ADAMTS2: variants seen among roughly 807,000 people sequenced by gnomAD.
The protein encoded by ADAMTS2 is A disintegrin and metalloproteinase with thrombospondin motifs 2.
A neutral mutation model predicts 123.0 loss-of-function variants in ADAMTS2; 50 were observed. The ratio of observed to expected loss-of-function variants is 0.41; its 90% CI spans 0.32 to 0.51. The LOEUF (loss-of-function observed/expected upper bound fraction) is 0.51, where lower values mean the gene tolerates loss of function less well. ADAMTS2 is among the 20% of genes least tolerant of loss of function. The pLI is 0.35. For synonymous variants in ADAMTS2, 678 were observed against 695.4 expected, an observed-to-expected ratio of 0.98 and a Z score of 0.39; for missense variants, 1,494 against 1,705.2, an observed-to-expected ratio of 0.88 and a Z score of 2.18.
intron 2 of ADAMTS2, among the ~76,000 whole-genome samples, chr5:179,306,463 C>T (rs551490181): frequency 1.3e-5 from 2 of 152,304 alleles, no homozygotes; most frequent in East Asian, 3.9e-4. Context: ...ACGTGCTCAA[C>T]CTGGTAAGAA....
intron 3 of ADAMTS2, among the ~76,000 whole-genome samples, chr5:179,263,551 C>A (rs1356114991): frequency 6.6e-6 from 1 of 152,250 alleles, no homozygotes; most frequent in Non-Finnish European, 1.5e-5. Context: ...GGTGTGCCGA[C>A]AGTTTGGGAT....
intron 3 of ADAMTS2, among the ~76,000 whole-genome samples, chr5:179,257,124 G>T (rs1015967830): frequency 9.2e-5 from 14 of 152,194 alleles, no homozygotes; most frequent in Non-Finnish European, 1.6e-4. Flanking sequence ...GAGTTTCAAA[G>T]GTGGCCGAGG....
At chr5:179,297,051 C>T (rs1036989930) in intron 2 of ADAMTS2, among the ~76,000 whole-genome samples, 7 of 152,156 alleles carry the variant, frequency 4.6e-5, no homozygotes, top group Non-Finnish European at 1.0e-4. Flanking sequence ...ATTGACAAGG[C>T]TTGGTGAAAG....
chr5:179,291,191 G>A (rs945554003), intron 2 of ADAMTS2, among the ~76,000 whole-genome samples: 7 of 152,154 alleles, frequency 4.6e-5, no homozygotes, highest in South Asian at 4.1e-4. Flanking sequence ...GAATGAGTGC[G>A]GGGCTCTGGG....
intron 2 of ADAMTS2, among the ~76,000 whole-genome samples, chr5:179,331,871 C>T (rs530278605): frequency 1.5e-4 from 23 of 152,304 alleles, no homozygotes; most frequent in Non-Finnish European, 2.5e-4. Context: ...AACCTCCAGA[C>T]GCTAGCTGGG....
chr5:179,336,809 C>A (rs958780230), intron 2 of ADAMTS2, among the ~76,000 whole-genome samples: 1 of 152,192 alleles, frequency 6.6e-6, no homozygotes, highest in Admixed American at 6.5e-5. Flanking sequence ...AGGAGCACAG[C>A]GGACCATGTG....
intron 2 of ADAMTS2, among the ~76,000 whole-genome samples, chr5:179,334,611 C>T (rs912530587): frequency 2.0e-5 from 3 of 152,198 alleles, no homozygotes; most frequent in African/African-American, 4.8e-5. Context: ...GACTTAACAT[C>T]GCTCTGAAGG....
rs574000960 is a variant in ADAMTS2, at chr5:179,113,189, T to C, written c.*678A>G. 1 of 153,286 alleles carries C rather than the reference T, an allele frequency of 6.5e-6. No individual in the cohort carries two copies. Among genetic ancestry groups the C allele is most frequent in the Non-Finnish European group, 1.5e-5 (1 of 68,826 alleles). 9.5% of individuals were successfully genotyped at this position (153,286 alleles called of 1,614,324 possible). ...GTTTTTTTCATGCAAAAATCTAGAC[T>C]TCTTCCGAAAAAGAACACTGTCTGG... On this transcript the variant is annotated 3_prime_UTR_variant, in exon 22 of 22. Coordinates refer to ENST00000251582, the MANE Select transcript of ADAMTS2 (RefSeq NM_014244.5).
intron 3 of ADAMTS2, among the ~76,000 whole-genome samples, chr5:179,217,528 A>G: frequency 6.6e-6 from 1 of 152,218 alleles, no homozygotes; most frequent in Admixed American, 6.5e-5. Context: ...TTAAGCAAAA[A>G]CAGATTCCAA....
At chr5:179,324,924 AG>A (rs1277187228) in intron 2 of ADAMTS2, among the ~76,000 whole-genome samples, 2 of 41,312 alleles carry the variant, frequency 4.8e-5, no homozygotes, top group Non-Finnish European at 1.1e-4. Context: ...AGAGGTCCTC[AG>A]GGACCCCCCC....
At chr5:179,190,106 T>C (rs1349348444) in intron 4 of ADAMTS2, among the ~76,000 whole-genome samples, 1 of 152,184 alleles carries the variant, frequency 6.6e-6, no homozygotes, top group African/African-American at 2.4e-5. Flanking sequence ...TATGTGCAGG[T>C]CACAGGGGAT....
chr5:179,215,626 C>G (rs467333), intron 3 of ADAMTS2, among the ~76,000 whole-genome samples: 37,147 of 151,912 alleles, frequency 0.24, 4,578 homozygotes, highest in Admixed American at 0.27. Context: ...CAAGGATAGG[C>G]AGAGCAGGAG....
At chr5:179,319,897 G>C (rs755260674) in intron 2 of ADAMTS2, among the ~76,000 whole-genome samples, 1 of 152,118 alleles carries the variant, frequency 6.6e-6, no homozygotes, top group African/African-American at 2.4e-5. Flanking sequence ...CCACATCTCC[G>C]GCCTGGCCCA....
rs748601622 is a variant in ADAMTS2, at chr5:179,180,295, G to A, written c.975+777C>T. On this transcript the variant is annotated intron_variant, in intron 5 of 21. Transcript: ENST00000251582. The surrounding 1 kb of genome is among the most constrained non-coding windows in gnomAD (Gnocchi z 4.6). ...CCCATGCACACCGCCAGGAAAGGAC[G>A]TCCCAGGTTTGGCTGCAAGAGGAAG... Among the ~76,000 whole-genome samples the A allele has an allele frequency of 1.3e-5, 2 of 152,216 alleles. No homozygotes were observed. The highest frequency in any genetic ancestry group is 2.9e-5 in the Non-Finnish European group (2 of 68,046).
At chr5:179,223,163 G>T (rs1434170485) in intron 3 of ADAMTS2, among the ~76,000 whole-genome samples, 1 of 152,244 alleles carries the variant, frequency 6.6e-6, no homozygotes, top group Non-Finnish European at 1.5e-5. Flanking sequence ...ACCTCTAGGA[G>T]AGCGCTCTGG....
rs1449752782 is a variant in ADAMTS2 at position 179,312,607 on chromosome 5, T to G, written c.534+31160A>C. On this transcript the variant is annotated intron_variant, in intron 2 of 21. Transcript: ENST00000251582. This position sits in a 1 kb window ranked among gnomAD's most constrained non-coding sequence, Gnocchi z 4.2. ...AGACAGGCCCTAAATGCAATCACAC[T>G]TCTCTTTATCAGAGGAAGGCAGAGC... Among the ~76,000 whole-genome samples, 1 of 152,204 alleles carries G rather than the reference T, an allele frequency of 6.6e-6. No individual in the cohort carries two copies.
In ADAMTS2 at chr5:179,256,121, G is replaced by A. The variant is rs984291544; in HGVS notation, c.688+16790C>T. Among the ~76,000 whole-genome samples, 2 of 152,208 alleles carry A rather than the reference G, an allele frequency of 1.3e-5. No homozygotes were observed. The highest frequency in any genetic ancestry group is 4.8e-5 in the African/African-American group (2 of 41,450). ...CCTTCTTCCCACAGGGAGACCGGGAGGGTCTTGTTCTGCCCTCAGAGCAGA... is the reference window on the plus strand; with the variant it reads ...CCTTCTTCCCACAGGGAGACCGGGAAGGTCTTGTTCTGCCCTCAGAGCAGA... On this transcript the variant is annotated intron_variant, in intron 3 of 21. Coordinates refer to ENST00000251582, the MANE Select transcript of ADAMTS2 (RefSeq NM_014244.5). This position sits in a 1 kb window ranked among gnomAD's most constrained non-coding sequence, Gnocchi z 4.1.
rs373020640 is a variant in ADAMTS2 at position 179,137,942 on chromosome 5, G to T, written c.1778C>A (p.Pro593Gln). 13 of 1,545,366 alleles carry T rather than the reference G, an allele frequency of 8.4e-6. No homozygotes were observed. Among genetic ancestry groups the T allele is most frequent in the Non-Finnish European group, 1.0e-5 (12 of 1,147,350 alleles). The change falls in exon 12 of 22, where the codon CCG becomes CAG. Residue 593 changes from proline (P) to glutamine (Q), a missense_variant and splice_region_variant. Physicochemically the swap from Pro to Gln is moderately conservative, Grantham distance 76. Coordinates refer to ENST00000251582, the MANE Select transcript of ADAMTS2 (RefSeq NM_014244.5). ...FRTRQCDNPHPANGGRTCSGL... is the reference protein window; with the variant it reads ...FRTRQCDNPHQANGGRTCSGL... ...CGAGCAGGTGCGGCCCCCGTTGGCC[G>T]GGCTGGAGGAGAAAGCAAAGGCCTT... is the stretch of plus-strand genomic sequence containing the variant.
At chr5:179,153,942 G>T in intron 8 of ADAMTS2, 107 bp downstream of exon 8, 2 of 1,442,484 alleles carry the variant, frequency 1.4e-6, no homozygotes, top group South Asian at 1.2e-5. Context: ...AAGCTTAGAG[G>T]ACCTGAGGTC....
Sources: gnomAD v4.1 joint callset for allele counts (sites outside exome capture counted in the v4.1 genomes callset) on GRCh38, gnomAD v4.1.1 for gene constraint, Gnocchi (gnomAD v3.1) non-coding constraint, MANE v1.5 for transcripts, NCBI Gene and HGNC (gene_info 2026-07-23, HGNC 2026-07-21) for gene names.